CEMIP: variants seen among roughly 807,000 people sequenced by gnomAD.
CEMIP encodes cell migration-inducing and hyaluronan-binding protein.
CEMIP carries 105 observed loss-of-function variants against 156.9 expected under a neutral mutation model. The observed-to-expected ratio is 0.67, with a 90% CI of 0.57 to 0.79. The LOEUF (loss-of-function observed/expected upper bound fraction) is 0.79. CEMIP is among the 30% of genes least tolerant of loss of function. CEMIP has a pLI of 0.00. For missense variants in CEMIP, 1,457 were observed against 1,769.4 expected (o/e 0.82, Z 3.17); for synonymous variants, 676 against 668.4 (o/e 1.01, Z -0.17).
At chr15:80,884,908 T>A (rs552745726) in intron 7 of CEMIP, among the ~76,000 whole-genome samples, 88 of 152,336 alleles carry the variant, frequency 5.8e-4, no homozygotes, top group African/African-American at 1.9e-3. Flanking sequence ...ATGCCTTTTT[T>A]AAAAATTTAA....
In CEMIP at chr15:80,873,846, T is replaced by C. The variant is rs769256364; in HGVS notation, c.-16-18T>C. 10 of 1,535,504 alleles carry C rather than the reference T, an allele frequency of 6.5e-6. No individual in the cohort carries two copies. The highest frequency in any genetic ancestry group is 8.9e-6 in the Non-Finnish European group (10 of 1,129,876). On this transcript the variant is annotated intron_variant, in intron 2 of 29. Coordinates refer to ENST00000394685, the MANE Select transcript of CEMIP (RefSeq NM_001293298.2). Reference sequence around the variant, plus strand: ...CCTGCCAAGGCTGCATGTCTGACTCTGTGTGCTTCTCTTTCAGGGAGCACA... The same window carrying C: ...CCTGCCAAGGCTGCATGTCTGACTCCGTGTGCTTCTCTTTCAGGGAGCACA...
At chr15:80,941,627 C>T (rs935920657) in intron 25 of CEMIP, among the ~76,000 whole-genome samples, 3 of 152,206 alleles carry the variant, frequency 2.0e-5, no homozygotes, top group African/African-American at 4.8e-5. Context: ...GCACATAGAA[C>T]GTGCTCAGAA....
chr15:80,938,211 A>G (rs1367279415), intron 25 of CEMIP: 1 of 512,126 alleles, frequency 2.0e-6, no homozygotes, highest in Non-Finnish European at 3.5e-6. Context: ...AATTGTAGGG[A>G]ATTTACATAT....
rs115283706 is a variant in CEMIP at position 80,896,370 on chromosome 15, G to A, written c.1411+310G>A. On this transcript the variant is annotated intron_variant, in intron 12 of 29. Transcript: ENST00000394685. ...GGGGAGATTGCAAACTCCTAGTGGT[G>A]AGCAGAAACACAGAACTCTTAAGGC... 234 of 531,456 alleles carry A rather than the reference G, an allele frequency of 4.4e-4. 1 individual carries two copies. The highest frequency in any genetic ancestry group is 4.0e-3 in the African/African-American group (215 of 53,148). 32.9% of individuals were successfully genotyped at this position (531,456 alleles called of 1,614,324 possible).
At chr15:80,867,260 A>G (rs972572790) in intron 1 of CEMIP, among the ~76,000 whole-genome samples, 22 of 152,304 alleles carry the variant, frequency 1.4e-4, no homozygotes, top group African/African-American at 5.1e-4. Context: ...ACTGATAGGC[A>G]TAAGAAAGTG....
intron 1 of CEMIP, among the ~76,000 whole-genome samples, chr15:80,786,690 G>A (rs955516661): frequency 2.6e-5 from 4 of 151,848 alleles, no homozygotes; most frequent in African/African-American, 9.7e-5. Context: ...ACAAAGATGG[G>A]GTACATGGAG....
chr15:80,894,353 G>T (rs1043883266), intron 10 of CEMIP, among the ~76,000 whole-genome samples: 1 of 152,178 alleles, frequency 6.6e-6, no homozygotes, highest in Non-Finnish European at 1.5e-5. Context: ...ACCTCTCTGA[G>T]GATGAGTTTC....
intron 1 of CEMIP, among the ~76,000 whole-genome samples, chr15:80,849,559 G>A (rs898551729): frequency 1.3e-5 from 2 of 152,118 alleles, no homozygotes; most frequent in Admixed American, 6.5e-5. Context: ...GAGGGTTCTC[G>A]GGCCAGTTCA....
intron 15 of CEMIP, 23 bp downstream of exon 15, chr15:80,920,322 GT>G: frequency 6.2e-7 from 1 of 1,602,626 alleles, no homozygotes; most frequent in Non-Finnish European, 8.5e-7. Flanking sequence ...ACCCCTCTCT[GT>G]GTGCTGGGGG....
intron 11 of CEMIP, among the ~76,000 whole-genome samples, chr15:80,895,538 T>A (rs1338310003): frequency 2.0e-5 from 3 of 152,134 alleles, no homozygotes; most frequent in Non-Finnish European, 2.9e-5. Context: ...GGGGAGAAGT[T>A]TATGGCTACC....
chr15:80,781,662 A>G (rs1204646268), intron 1 of CEMIP, among the ~76,000 whole-genome samples: 1 of 52,974 alleles, frequency 1.9e-5, no homozygotes, highest in Admixed American at 1.8e-4. Flanking sequence ...ACCTCTTATA[A>G]AAAAAAATTT....
At chr15:80,785,806 T>G (rs1352632328) in intron 1 of CEMIP, among the ~76,000 whole-genome samples, 3 of 152,098 alleles carry the variant, frequency 2.0e-5, no homozygotes, top group Admixed American at 6.5e-5. Context: ...CTTACCTGCC[T>G]CAGATGCATA....
chr15:80,860,050 C>T (rs1897948521), intron 1 of CEMIP, among the ~76,000 whole-genome samples: 1 of 152,144 alleles, frequency 6.6e-6, no homozygotes, highest in Non-Finnish European at 1.5e-5. Context: ...CACACAGGGA[C>T]ACGCATACAC....
chr15:80,909,129 G>A lies in CEMIP; in HGVS notation c.1620G>A (p.Glu540=), dbSNP rs1899934867. ...TGGGATTTAAGGCAGCACACTTGGA[G>A]GGCACGGAGCTGAAGCATATGGGAC... The part of the protein sequence containing the change: ...FALGFKAAHL[E]GTELKHMGQQ... The change falls in exon 14 of 30, where the codon GAG becomes GAA. Residue 540 remains glutamate, a synonymous_variant. Coordinates refer to ENST00000394685, the MANE Select transcript of CEMIP (RefSeq NM_001293298.2). 1.9e-6 allele frequency: 3 copies of A among 1,614,014 alleles called. No individual in the cohort carries two copies. Among genetic ancestry groups the A allele is most frequent in the African/African-American group, 1.3e-5 (1 of 74,918 alleles).
intron 1 of CEMIP, among the ~76,000 whole-genome samples, chr15:80,809,804 G>A (rs1206359197): frequency 6.6e-6 from 1 of 152,204 alleles, no homozygotes; most frequent in Non-Finnish European, 1.5e-5. Flanking sequence ...GCACACTGAG[G>A]CCAGCTGTAC....
At chr15:80,789,588 G>T (rs1303056919) in intron 1 of CEMIP, among the ~76,000 whole-genome samples, 2 of 152,082 alleles carry the variant, frequency 1.3e-5, no homozygotes, top group African/African-American at 4.8e-5. Flanking sequence ...TAAATAAAAA[G>T]GCGTGGTCAT....
At chr15:80,860,461 A>G (rs1421746296) in intron 1 of CEMIP, among the ~76,000 whole-genome samples, 1 of 152,232 alleles carries the variant, frequency 6.6e-6, no homozygotes, top group African/African-American at 2.4e-5. Context: ...GCATCACTCC[A>G]AAAGGATTAG....
At chr15:80,911,194 GCAGGTCT>G (rs1023507354) in intron 14 of CEMIP, among the ~76,000 whole-genome samples, 32 of 152,338 alleles carry the variant, frequency 2.1e-4, no homozygotes, top group African/African-American at 7.2e-4. Context: ...TGCCCTGGGT[GCAGGTCT>G]CAGGTCTGTC....
At chr15:80,837,323 G>A (rs889748498) in intron 1 of CEMIP, among the ~76,000 whole-genome samples, 2 of 152,196 alleles carry the variant, frequency 1.3e-5, no homozygotes, top group African/African-American at 2.4e-5. Flanking sequence ...GATGGGAGGG[G>A]TGTAAATGAT....
Sources: allele counts gnomAD v4.1 joint callset (sites outside exome capture counted in the v4.1 genomes callset), GRCh38; gene constraint gnomAD v4.1.1; transcripts MANE v1.5; gene names NCBI Gene and HGNC (gene_info 2026-07-23, HGNC 2026-07-21).